The following ROBO2 variants were observed in gnomAD, a reference collection of about 807,000 sequenced individuals.
The protein encoded by ROBO2 is roundabout homolog 2.
A neutral mutation model predicts 160.8 loss-of-function variants in ROBO2; 53 were observed. The ratio of observed to expected loss-of-function variants is 0.33; its 90% confidence interval spans 0.26 to 0.41. ROBO2 has a LOEUF of 0.41. Among genes scored for constraint, ROBO2 ranks in the 10% least tolerant of loss-of-function variants. ROBO2 has a pLI of 1.00. For missense variants in ROBO2, 1,577 were observed against 1,722.4 expected (o/e 0.92, Z 1.49); for synonymous variants, 664 against 611.7 (o/e 1.09, Z -1.26).
intron 2 of ROBO2, among the ~76,000 whole-genome samples, chr3:77,000,146 C>G (rs2061262424): frequency 6.6e-6 from 1 of 152,168 alleles, no homozygotes; most frequent in Non-Finnish European, 1.5e-5. Context: ...CAAAAATACT[C>G]CCCAAGACCT....
chr3:76,907,712 A>G (rs998052727), intron 2 of ROBO2, among the ~76,000 whole-genome samples: 3 of 152,158 alleles, frequency 2.0e-5, no homozygotes, highest in African/African-American at 7.2e-5. Context: ...GCAGAAATTT[A>G]TGTAATTGCT....
intron 24 of ROBO2, among the ~76,000 whole-genome samples, chr3:77,640,622 T>C (rs561966747): frequency 6.3e-4 from 96 of 152,292 alleles, no homozygotes; most frequent in Non-Finnish European, 1.1e-3. Flanking sequence ...ACCTATCTCA[T>C]TGGACTGTTG....
intron 2 of ROBO2, among the ~76,000 whole-genome samples, chr3:76,063,329 T>A (rs1036505243): frequency 6.7e-6 from 1 of 150,234 alleles, no homozygotes; most frequent in Non-Finnish European, 1.5e-5. Context: ...ATTTTTTTTA[T>A]GCTGCCCTCC....
intron 2 of ROBO2, among the ~76,000 whole-genome samples, chr3:76,718,218 C>T (rs2093412765): frequency 6.6e-6 from 1 of 152,218 alleles, no homozygotes; most frequent in Non-Finnish European, 1.5e-5. Context: ...ATCTAATTGT[C>T]ACAGAAGCAC....
At chr3:77,200,908 C>A (rs2082849918) in intron 2 of ROBO2, among the ~76,000 whole-genome samples, 1 of 152,090 alleles carries the variant, frequency 6.6e-6, no homozygotes, top group African/African-American at 2.4e-5. Flanking sequence ...GCCTCAAATT[C>A]CAGGCAATGC....
chr3:76,967,872 C>T (rs1160338749), intron 2 of ROBO2, among the ~76,000 whole-genome samples: 1 of 152,056 alleles, frequency 6.6e-6, no homozygotes, highest in Non-Finnish European at 1.5e-5. Flanking sequence ...GTACTTTCTT[C>T]CCTCTTGCTA....
chr3:76,752,477 G>T (rs954101252), intron 2 of ROBO2, among the ~76,000 whole-genome samples: 3 of 151,524 alleles, frequency 2.0e-5, no homozygotes, highest in Admixed American at 6.6e-5. Context: ...CATCCCTGGG[G>T]ACATGGCCAA....
chr3:77,080,503 G>A (rs1451403358), intron 1 of ROBO2, among the ~76,000 whole-genome samples: 1 of 152,120 alleles, frequency 6.6e-6, no homozygotes, highest in Non-Finnish European at 1.5e-5. Context: ...GAATTGATGT[G>A]GCTTTGACAG....
chr3:76,797,375 A>G (rs2063779959), intron 2 of ROBO2, among the ~76,000 whole-genome samples: 1 of 152,104 alleles, frequency 6.6e-6, no homozygotes, highest in Non-Finnish European at 1.5e-5. Flanking sequence ...AAAATTTACA[A>G]ATTTCCTGAC....
At chr3:76,705,060 C>G (rs923495981) in intron 2 of ROBO2, among the ~76,000 whole-genome samples, 4 of 152,076 alleles carry the variant, frequency 2.6e-5, no homozygotes, top group Admixed American at 6.6e-5. Flanking sequence ...TCTGCCCTTG[C>G]AGTGCAAAGC....
At chr3:77,423,395 G>A (rs1438895019) in intron 2 of ROBO2, among the ~76,000 whole-genome samples, 2 of 152,096 alleles carry the variant, frequency 1.3e-5, no homozygotes, top group Non-Finnish European at 2.9e-5. Flanking sequence ...AATACAGAAT[G>A]ACAAATACTG....
At chr3:77,477,375 G>A (rs1415261669) in intron 2 of ROBO2, 39 bp from the exon 3 acceptor site, 1 of 1,604,150 alleles carries the variant, frequency 6.2e-7, no homozygotes, top group Non-Finnish European at 8.5e-7. Context: ...CTAAGTTACT[G>A]TCGTTGAGTT....
chr3:76,119,109 C>A (rs1010790864), intron 2 of ROBO2, among the ~76,000 whole-genome samples: 4 of 152,090 alleles, frequency 2.6e-5, no homozygotes, highest in Admixed American at 6.6e-5. Flanking sequence ...ATCATGTACA[C>A]CTGAATGAAA....
chr3:77,485,589 A>C (rs991965493), intron 4 of ROBO2, among the ~76,000 whole-genome samples: 4 of 152,126 alleles, frequency 2.6e-5, no homozygotes, highest in African/African-American at 9.7e-5. Flanking sequence ...AAAACAATTC[A>C]ATGAAATGTT....
chr3:77,247,174 T>C (rs951865649), intron 2 of ROBO2, among the ~76,000 whole-genome samples: 3 of 152,236 alleles, frequency 2.0e-5, no homozygotes, highest in African/African-American at 7.2e-5. Flanking sequence ...AAGTTTTCCA[T>C]GCTAAGAAGT....
At chr3:76,652,949 A>G (rs1048538459) in intron 2 of ROBO2, among the ~76,000 whole-genome samples, 2 of 152,170 alleles carry the variant, frequency 1.3e-5, no homozygotes, top group African/African-American at 4.8e-5. Flanking sequence ...CTTTTTAACT[A>G]TCATGTTGAC....
intron 2 of ROBO2, among the ~76,000 whole-genome samples, chr3:76,062,014 T>C (rs1049168925): frequency 6.6e-6 from 1 of 152,166 alleles, no homozygotes; most frequent in Admixed American, 6.5e-5. Context: ...TAAAGGACAA[T>C]TCTGATGTCA....
intron 2 of ROBO2, among the ~76,000 whole-genome samples, chr3:77,115,395 A>G (rs2074098290): frequency 6.6e-6 from 1 of 152,164 alleles, no homozygotes; most frequent in Non-Finnish European, 1.5e-5. Context: ...TATGAGCGCT[A>G]TGTCATCTTC....
chr3:77,094,807 G>A (rs898152258), intron 1 of ROBO2, among the ~76,000 whole-genome samples: 1 of 151,910 alleles, frequency 6.6e-6, no homozygotes, highest in African/African-American at 2.4e-5. Context: ...CTCTTTATGT[G>A]GTTATGGCTA....
Sources: gnomAD v4.1 joint callset for allele counts (sites outside exome capture counted in the v4.1 genomes callset) on GRCh38, gnomAD v4.1.1 for gene constraint, MANE v1.5 for transcripts, NCBI Gene and HGNC (gene_info 2026-07-23, HGNC 2026-07-21) for gene names.